SPTBN4: variants seen among roughly 807,000 people sequenced by gnomAD.
SPTBN4 encodes spectrin beta chain, non-erythrocytic 4.
A neutral mutation model predicts 277.8 loss-of-function variants in SPTBN4; 96 were observed. That is an observed-to-expected ratio of 0.35 (90% CI 0.29 to 0.41). SPTBN4 has a LOEUF of 0.41. Ranked by LOEUF, SPTBN4 falls within the 10% of genes least tolerant of loss-of-function variation. SPTBN4 has a pLI of 1.00. For missense variants in SPTBN4, 3,006 were observed against 3,595.7 expected, an observed-to-expected ratio of 0.84 and a Z score of 4.19; for synonymous variants, 1,481 against 1,580.3, an observed-to-expected ratio of 0.94 and a Z score of 1.49.
rs191291305 is a variant in SPTBN4 at position 40,488,851 on chromosome 19, C to T, written c.321+1003C>T. Among the ~76,000 whole-genome samples, 4 of 151,348 alleles carry T rather than the reference C, an allele frequency of 2.6e-5. 1 individual carries two copies. The East Asian group carries it at 5.9e-4, about 22-fold the overall frequency. ...ATTTTTTTATTCTTTTAAATAGATA[C>T]GAGGCGTCACTATGTTGCCCAGGCT... On this transcript the variant is annotated intron_variant, in intron 3 of 35. Coordinates refer to ENST00000598249, the MANE Select transcript of SPTBN4 (RefSeq NM_020971.3).
intron 22 of SPTBN4, among the ~76,000 whole-genome samples, chr19:40,551,851 G>T (rs1568370548): frequency 6.6e-6 from 1 of 152,070 alleles, no homozygotes. Flanking sequence ...AAAATTAGCT[G>T]AGCATAGTAG....
In SPTBN4 at chr19:40,503,854, G is replaced by A. The variant is rs544695151; in HGVS notation, c.1387G>A (p.Ala463Thr). The change falls in exon 12 of 36, where the codon GCA becomes ACA. Residue 463 changes from alanine to threonine, a missense_variant. Around this residue, in one of 5 missense-constraint regions of SPTBN4, gnomAD observed 1,759 missense variants for 2,061.5 expected, o/e 0.85. Coordinates refer to ENST00000598249, the MANE Select transcript of SPTBN4 (RefSeq NM_020971.3). ...GGACAACTTTGGGTATGAGCTGCCC[G>A]CAGTGGAGGCAGCCATGAAGAAACA... ...SQDNFGYELP[A>T]VEAAMKKHEA... The A allele has an allele frequency of 2.4e-5, 38 of 1,597,664 alleles. No individual in the cohort carries two copies. In the Admixed American group the frequency reaches 4.0e-4, roughly 17 times the overall value.
chr19:40,560,287 T>C lies in SPTBN4; in HGVS notation c.5799T>C (p.Asp1933=), dbSNP rs1460138731. 5 of 1,613,956 alleles carry C rather than the reference T, an allele frequency of 3.1e-6. No homozygotes were observed. The highest frequency in any genetic ancestry group is 4.2e-6 in the Non-Finnish European group (5 of 1,180,008). ...AAGAGCTGCTGTCAGCCTGTGAGGATGCCCGCCTGCATGTCAGCTCCACAG... is the reference window on the plus strand; with the variant it reads ...AAGAGCTGCTGTCAGCCTGTGAGGACGCCCGCCTGCATGTCAGCTCCACAG... ...GWKELLSACE[D]ARLHVSSTAD... is the part of the protein sequence containing the mutation. Residue 1933 remains aspartate (D), a synonymous_variant, in exon 27 of 36, where the codon GAT becomes GAC. Coordinates refer to ENST00000598249, the MANE Select transcript of SPTBN4 (RefSeq NM_020971.3). The surrounding 1 kb of genome is among the most constrained non-coding windows in gnomAD (Gnocchi z 5.2).
chr19:40,503,970 C>T lies in SPTBN4; in HGVS notation c.1503C>T (p.Tyr501=), dbSNP rs763760183. 91 of 1,613,844 alleles carry T rather than the reference C, an allele frequency of 5.6e-5. No homozygotes were observed. Among genetic ancestry groups the T allele is most frequent in the East Asian group, 8.9e-5 (4 of 44,898 alleles). ...AGGCATTGGCAGCCGAAGGCTACTA[C>T]GATATCCGGCGGGTGGCAGCCCAGC... ...LAQALAAEGY[Y]DIRRVAAQRD... Residue 501 remains tyrosine (Y), a synonymous_variant, in exon 12 of 36, where the codon TAC becomes TAT. Coordinates refer to ENST00000598249, the MANE Select transcript of SPTBN4 (RefSeq NM_020971.3).
intron 2 of SPTBN4, among the ~76,000 whole-genome samples, chr19:40,481,818 A>G (rs1444574736): frequency 6.6e-6 from 1 of 152,036 alleles, no homozygotes; most frequent in Non-Finnish European, 1.5e-5. Context: ...GTGGCTGTGC[A>G]TTCTGTTGTG....
At chr19:40,574,489 G>C (rs947350620) in intron 35 of SPTBN4, among the ~76,000 whole-genome samples, 1 of 151,916 alleles carries the variant, frequency 6.6e-6, no homozygotes, top group Non-Finnish European at 1.5e-5. Context: ...AGCTACCTGG[G>C]TGACTGGGAT....
chr19:40,519,551 CG>C lies in SPTBN4; in HGVS notation c.3055del (p.Ala1019ProfsTer9). On this transcript the variant is annotated frameshift_variant, in exon 16 of 36. Coordinates refer to ENST00000598249, the MANE Select transcript of SPTBN4 (RefSeq NM_020971.3). LOFTEE classifies it high-confidence loss of function. The surrounding 1 kb of genome is among the most constrained non-coding windows in gnomAD (Gnocchi z 5.7). Reference sequence around the variant, plus strand: ...TGGAGAGCGCGCCCCGGGCCGGCGGCGCCCTGCAGTGGCGTCTTAGCGGCCT... The same window carrying C: ...TGGAGAGCGCGCCCCGGGCCGGCGGCCCCTGCAGTGGCGTCTTAGCGGCCT... ...AVESAPRAGG[A>X]LQWRLSGLEA... 1 of 1,570,076 alleles carries C rather than the reference CG, an allele frequency of 6.4e-7. No homozygotes were observed. The highest frequency in any genetic ancestry group is 8.6e-7 in the Non-Finnish European group (1 of 1,162,276).
At chr19:40,555,581 C>T (rs1424758720) in intron 24 of SPTBN4, among the ~76,000 whole-genome samples, 4 of 151,474 alleles carry the variant, frequency 2.6e-5, no homozygotes, top group Non-Finnish European at 4.4e-5. Context: ...GGAAGCGGAG[C>T]TTTCCCTGCA....
Position 40,477,415 on chromosome 19 carries a change from T to C in SPTBN4, c.169+4625T>C, listed in dbSNP as rs185561704. ...CTCATGCTGGACAACATGAGGGGCATAGTGGTGACTGAGGCAGCCTGGGTC... is the reference window on the plus strand; with the variant it reads ...CTCATGCTGGACAACATGAGGGGCACAGTGGTGACTGAGGCAGCCTGGGTC... On this transcript the variant is annotated intron_variant, in intron 2 of 35. Coordinates refer to ENST00000598249, the MANE Select transcript of SPTBN4 (RefSeq NM_020971.3). Among the ~76,000 whole-genome samples the C allele has an allele frequency of 1.5e-3, 234 of 152,206 alleles. 3 individuals are homozygous for C. The highest frequency in any genetic ancestry group is 5.3e-3 in the African/African-American group (222 of 41,516).
intron 17 of SPTBN4, among the ~76,000 whole-genome samples, chr19:40,527,249 C>T (rs1384721645): frequency 6.6e-6 from 1 of 152,198 alleles, no homozygotes; most frequent in Admixed American, 6.5e-5. Context: ...GTCTTTTCTG[C>T]CTCTGTCTTT....
rs748678115 is a variant in SPTBN4, at chr19:40,549,276, A to G, written c.4447A>G (p.Lys1483Glu). 4 of 1,545,282 alleles carry G rather than the reference A, an allele frequency of 2.6e-6. No individual in the cohort carries two copies. In the South Asian group the frequency reaches 4.8e-5, roughly 18 times the overall value. The change falls in exon 21 of 36, where the codon AAG (lysine) becomes GAG (glutamate). Residue 1483 changes from lysine (K) to glutamate (E), a missense_variant. Lys to Glu is a moderately conservative substitution (Grantham distance 56, BLOSUM62 1). Coordinates refer to ENST00000598249, the MANE Select transcript of SPTBN4 (RefSeq NM_020971.3). ...TAALPLEPAS[K>E]ELVGERQNAV... ...GGCGCTGCCGCTGGAGCCGGCGAGC[A>G]AGGAGCTGGTGGGTGAGCGGCAGAA...
rs1016991395 is a variant in SPTBN4, at chr19:40,490,730, A to G, written c.495+482A>G. 6.6e-6 allele frequency among the ~76,000 whole-genome samples: 1 copy of G among 152,200 alleles called. No homozygotes were observed. The highest frequency in any genetic ancestry group is 2.4e-5 in the African/African-American group (1 of 41,454). On this transcript the variant is annotated intron_variant, in intron 4 of 35. Transcript: ENST00000598249. The surrounding 1 kb of genome is among the most constrained non-coding windows in gnomAD (Gnocchi z 4.3). Reference sequence around the variant, plus strand: ...AATATGTAAAGAAGACATGTATGGAAAAAGGACCAGTTCTAGTTAGAGAAG... The same window carrying G: ...AATATGTAAAGAAGACATGTATGGAGAAAGGACCAGTTCTAGTTAGAGAAG...
intron 3 of SPTBN4, among the ~76,000 whole-genome samples, chr19:40,488,807 TTC>T (rs1223394436): frequency 6.6e-6 from 1 of 151,672 alleles, no homozygotes; most frequent in African/African-American, 2.4e-5. Flanking sequence ...GAGACTCTGT[TTC>T]TCTCTCTTTT....
chr19:40,570,558 G>A lies in SPTBN4; in HGVS notation c.7149G>A (p.Arg2383=), dbSNP rs746377834. The A allele has an allele frequency of 7.4e-7, 1 of 1,354,872 alleles. No homozygotes were observed. Among genetic ancestry groups the A allele is most frequent in the Non-Finnish European group, 9.5e-7 (1 of 1,056,944 alleles). The allele number at this position is 1,354,872 out of a possible 1,614,324, so 83.9% of individuals were successfully genotyped here. The part of the protein sequence containing the change: ...RARDRPKPRR[R]PRPREGGEGG... The stretch of plus-strand genomic sequence containing the variant: ...GGGACCGGCCCAAGCCGCGACGGCG[G>A]CCGCGGCCCAGAGAGGGTGGTGAGG... Residue 2383 remains arginine (R), a synonymous_variant, in exon 33 of 36, where the codon CGG becomes CGA. Transcript: ENST00000598249.
chr19:40,472,505 A>G, intron 1 of SPTBN4, 102 bp from the exon 2 acceptor site: 1 of 1,093,966 alleles, frequency 9.1e-7, no homozygotes, highest in South Asian at 1.7e-5. Flanking sequence ...TCCACTTTAA[A>G]GACAGAGAAA....
chr19:40,482,907 G>A (rs1182360829), intron 2 of SPTBN4, among the ~76,000 whole-genome samples: 1 of 152,056 alleles, frequency 6.6e-6, no homozygotes, highest in Non-Finnish European at 1.5e-5. Context: ...GTTGCAATGA[G>A]CCAAGATTAC....
intron 2 of SPTBN4, among the ~76,000 whole-genome samples, chr19:40,479,702 A>ATATATATATATATTTT (rs1303572950): frequency 1.4e-5 from 2 of 144,448 alleles, no homozygotes; most frequent in African/African-American, 5.1e-5. Flanking sequence ...ATATATATAT[A>ATATATATATATATTTT]TTTAACTTTT....
In SPTBN4 at chr19:40,552,791, C is replaced by T. The variant is rs557099128; in HGVS notation, c.4675-1356C>T. ...AGTGTGGGCGACAGAACTGGCTTAT[C>T]GTTGTCATGGTTGAGGAAACTGATC... On this transcript the variant is annotated intron_variant, in intron 22 of 35. Coordinates refer to ENST00000598249, the MANE Select transcript of SPTBN4 (RefSeq NM_020971.3). Among the ~76,000 whole-genome samples the T allele has an allele frequency of 9.9e-5, 15 of 152,226 alleles. No individual in the cohort carries two copies. The South Asian group carries it at 1.9e-3, about 19-fold the overall frequency.
intron 3 of SPTBN4, among the ~76,000 whole-genome samples, chr19:40,489,401 T>G (rs1325933698): frequency 1.3e-5 from 2 of 151,608 alleles, no homozygotes; most frequent in African/African-American, 4.9e-5. Flanking sequence ...TGTTTGTTTG[T>G]TTGAAACGAA....
Sources: allele counts gnomAD v4.1 joint callset (sites outside exome capture counted in the v4.1 genomes callset), GRCh38; gene constraint gnomAD v4.1.1; regional missense constraint gnomAD v4.1.1; non-coding constraint Gnocchi (gnomAD v3.1); transcripts MANE v1.5; gene names NCBI Gene and HGNC (gene_info 2026-07-23, HGNC 2026-07-21).